TSTD2: variants seen among roughly 807,000 people sequenced by gnomAD.
The protein encoded by TSTD2 is thiosulfate sulfurtransferase/rhodanese-like domain-containing protein 2.
TSTD2 carries 37 observed loss-of-function variants against 47.9 expected under a neutral mutation model. The ratio of observed to expected loss-of-function variants is 0.77; its 90% CI spans 0.59 to 1.02. The LOEUF is 1.02. Among genes scored for constraint, TSTD2 ranks in the 50% least tolerant of loss-of-function variants. TSTD2 has a pLI of 0.00. For synonymous variants in TSTD2, 201 were observed against 215.9 expected, an observed-to-expected ratio of 0.93 and a Z score of 0.61; for missense variants, 586 against 616.0, an observed-to-expected ratio of 0.95 and a Z score of 0.52.
rs762159967 is a variant in TSTD2, at chr9:97,602,558, T to C, written c.1462A>G (p.Ile488Val). ...ECECTARRPRIPRELLQHVRQ... is the reference protein window; with the variant it reads ...ECECTARRPRVPRELLQHVRQ... Reference sequence around the variant, plus strand: ...ACATGCTGCAAGAGTTCCCTAGGTATGCGTGGCCGTCGGGCTGTGCACTCG... The same window carrying C: ...ACATGCTGCAAGAGTTCCCTAGGTACGCGTGGCCGTCGGGCTGTGCACTCG... Residue 488 changes from isoleucine (I) to valine (V), a missense_variant, in exon 10 of 10, where the codon ATA becomes GTA. By Grantham distance (29) the Ile-to-Val change is conservative. Coordinates refer to ENST00000341170, the MANE Select transcript of TSTD2 (RefSeq NM_139246.5). 2.5e-6 allele frequency: 4 copies of C among 1,614,084 alleles called. No homozygotes were observed. Among genetic ancestry groups the C allele is most frequent in the Admixed American group, 3.3e-5 (2 of 60,004 alleles).
At chr9:97,627,810 C>T (rs184756626) in intron 1 of TSTD2, among the ~76,000 whole-genome samples, 198 bp from the exon 2 acceptor site, 41 of 152,210 alleles carry the variant, frequency 2.7e-4, no homozygotes, top group African/African-American at 8.7e-4. Flanking sequence ...TAGCAGTAAA[C>T]GAAAGTGAAA....
At chr9:97,630,371 T>C (rs1826789951) in intron 1 of TSTD2, among the ~76,000 whole-genome samples, 1 of 152,200 alleles carries the variant, frequency 6.6e-6, no homozygotes, top group Non-Finnish European at 1.5e-5. Context: ...GCACCTCTGC[T>C]ATGTGCCGGG....
At chr9:97,620,435 T>G (rs192104720) in intron 3 of TSTD2, among the ~76,000 whole-genome samples, 39 of 152,196 alleles carry the variant, frequency 2.6e-4, no homozygotes, top group African/African-American at 9.1e-4. Flanking sequence ...ATACAATAAA[T>G]TGGTACTAGT....
chr9:97,620,403 T>C (rs1448050032), intron 3 of TSTD2, among the ~76,000 whole-genome samples: 1 of 152,194 alleles, frequency 6.6e-6, no homozygotes, highest in Admixed American at 6.5e-5. Flanking sequence ...TATGTCTTTA[T>C]CAGCAGCATG....
rs1826229587 is a variant in TSTD2 at position 97,600,416 on chromosome 9, T to C, written c.*2053A>G. On this transcript the variant is annotated 3_prime_UTR_variant, in exon 10 of 10. Transcript: ENST00000341170. ...GTCCCTGAGTGTTCTTTAAGAACAT[T>C]TGGGATTTATGTACAATTTAATACT... 11 of 985,732 alleles carry C rather than the reference T, an allele frequency of 1.1e-5. No individual in the cohort carries two copies. The highest frequency in any genetic ancestry group is 1.2e-5 in the Non-Finnish European group (10 of 830,094). 61.1% of individuals were successfully genotyped at this position (985,732 alleles called of 1,614,324 possible). A position where few individuals can be genotyped will look rare whatever the true frequency, so the allele number is the denominator to read the frequency against.
In TSTD2 at chr9:97,600,694, C is replaced by T; in HGVS notation, c.*1775G>A. On this transcript the variant is annotated 3_prime_UTR_variant, in exon 10 of 10. Transcript: ENST00000341170. The stretch of plus-strand genomic sequence containing the variant: ...CTGACCTTACGCCTGTATATTAAGC[C>T]TCCGCAGGATGCCGGACAATGGTGA... The T allele has an allele frequency of 1.0e-6, 1 of 1,002,884 alleles. No homozygotes were observed. Among genetic ancestry groups the T allele is most frequent in the Non-Finnish European group, 1.2e-6 (1 of 840,600 alleles). 62.1% of individuals were successfully genotyped at this position (1,002,884 alleles called of 1,614,324 possible). A position where few individuals can be genotyped will look rare whatever the true frequency, so the allele number is the denominator to read the frequency against.
intron 9 of TSTD2, among the ~76,000 whole-genome samples, chr9:97,603,813 C>T (rs761500770): frequency 6.6e-6 from 1 of 152,176 alleles, no homozygotes; most frequent in Non-Finnish European, 1.5e-5. Flanking sequence ...AATCCTCCTG[C>T]CTCAGCCTCC....
In TSTD2 at chr9:97,600,563, G is replaced by A. The variant is rs769681777; in HGVS notation, c.*1906C>T. ...TGGGCAAATGGCTTATGTGAGGTAA[G>A]ACACTAGAGGGATAAATTTCCAGAT... On this transcript the variant is annotated 3_prime_UTR_variant, in exon 10 of 10. Transcript: ENST00000341170. The A allele has an allele frequency of 4.5e-5, 44 of 985,816 alleles. No individual in the cohort carries two copies. Among genetic ancestry groups the A allele is most frequent in the Non-Finnish European group, 5.3e-5 (44 of 830,332 alleles). The allele number at this position is 985,816 out of a possible 1,614,324, so 61.1% of individuals were successfully genotyped here.
intron 4 of TSTD2, among the ~76,000 whole-genome samples, chr9:97,613,989 C>T (rs771446898): frequency 9.9e-5 from 15 of 152,012 alleles, no homozygotes; most frequent in East Asian, 9.6e-4. Flanking sequence ...CCACCACGCC[C>T]GGCTAATTTT....
chr9:97,600,186 C>A lies in TSTD2; in HGVS notation c.*2283G>T. ...ACCCTCCTTGGAATTTTGAAAACCT[C>A]GATTAAAGTTGCCAAATTGATTACT... On this transcript the variant is annotated 3_prime_UTR_variant, in exon 10 of 10. Coordinates refer to ENST00000341170, the MANE Select transcript of TSTD2 (RefSeq NM_139246.5). The A allele has an allele frequency of 1.0e-6, 1 of 994,988 alleles. No homozygotes were observed. The highest frequency in any genetic ancestry group is 4.5e-5 in the South Asian group (1 of 22,382). The allele number at this position is 994,988 out of a possible 1,614,324, so 61.6% of individuals were successfully genotyped here. A position where few individuals can be genotyped will look rare whatever the true frequency, so the allele number is the denominator to read the frequency against.
At chr9:97,614,479 A>G (rs1318692963) in intron 4 of TSTD2, among the ~76,000 whole-genome samples, 14 of 152,052 alleles carry the variant, frequency 9.2e-5, no homozygotes, top group African/African-American at 2.7e-4. Context: ...TAAGACCAAA[A>G]TTCCTGTCCT....
intron 7 of TSTD2, 97 bp from the exon 8 acceptor site, chr9:97,605,738 A>G: frequency 6.7e-7 from 1 of 1,484,752 alleles, no homozygotes; most frequent in Non-Finnish European, 9.1e-7. Context: ...CTTAGCAAAG[A>G]AGCCCCTGCC....
chr9:97,603,512 A>G (rs60197625), intron 9 of TSTD2, among the ~76,000 whole-genome samples: 1,529 of 152,340 alleles, frequency 0.01, 26 homozygotes, highest in African/African-American at 0.035. Context: ...AACAGATCGA[A>G]GTAGTGATCA....
Position 97,610,350 on chromosome 9 carries a change from C to T in TSTD2, c.831G>A (p.Lys277=). 6.2e-7 allele frequency: 1 copy of T among 1,603,050 alleles called. No homozygotes were observed. Among genetic ancestry groups the T allele is most frequent in the Non-Finnish European group, 8.5e-7 (1 of 1,175,606 alleles). The change falls in exon 6 of 10, where the codon AAG becomes AAA. Residue 277 remains lysine (K), a synonymous_variant. Transcript: ENST00000341170. ...GISPKKISYK[K]PGIHLSPGEF... ...ATCTTCTAAAAGCAAGCATACCAGG[C>T]TTCTTGTAGGAGATCTTTTTGGGGC... is the stretch of plus-strand genomic sequence containing the variant.
At chr9:97,626,935 T>A (rs60762127) in intron 2 of TSTD2, among the ~76,000 whole-genome samples, 17,955 of 149,124 alleles carry the variant, frequency 0.12, 2,991 homozygotes, top group African/African-American at 0.37. Flanking sequence ...TTTTTTTTTT[T>A]AATATTTTTG....
At chr9:97,610,224 C>T in intron 6 of TSTD2, 122 bp downstream of exon 6, 1 of 750,528 alleles carries the variant, frequency 1.3e-6, no homozygotes, top group East Asian at 2.9e-5. Flanking sequence ...AAGTGTTAGC[C>T]ACCCCACAGC....
At chr9:97,632,590 C>T (rs1826848224) in intron 1 of TSTD2, among the ~76,000 whole-genome samples, 1 of 151,004 alleles carries the variant, frequency 6.6e-6, no homozygotes, top group South Asian at 2.1e-4. Flanking sequence ...CGCCTTGTTG[C>T]CCAGGTGGGT....
chr9:97,601,427 G>T lies in TSTD2; in HGVS notation c.*1042C>A. On this transcript the variant is annotated 3_prime_UTR_variant, in exon 10 of 10. Coordinates refer to ENST00000341170, the MANE Select transcript of TSTD2 (RefSeq NM_139246.5). The stretch of plus-strand genomic sequence containing the variant: ...TCAAATGTCACCGAGCTTATATGAA[G>T]CTCCCAGAGAGAACATTTAAAAGCT... The T allele has an allele frequency of 9.7e-7, 1 of 1,027,784 alleles. No homozygotes were observed. Among genetic ancestry groups the T allele is most frequent in the Middle Eastern group, 4.8e-4 (1 of 2,090 alleles). 63.7% of individuals were successfully genotyped at this position (1,027,784 alleles called of 1,614,324 possible).
chr9:97,618,021 C>G, intron 3 of TSTD2, 144 bp from the exon 4 acceptor site: 1 of 1,146,984 alleles, frequency 8.7e-7, no homozygotes, highest in South Asian at 1.7e-5. Context: ...TGTTCTCCTC[C>G]TGAAATGAGA....
Sources: allele counts gnomAD v4.1 joint callset (sites outside exome capture counted in the v4.1 genomes callset), GRCh38; gene constraint gnomAD v4.1.1; transcripts MANE v1.5; gene names NCBI Gene and HGNC (gene_info 2026-07-23, HGNC 2026-07-21).